The following SLC24A3 variants were observed in gnomAD, a reference collection of about 807,000 sequenced individuals.
The protein encoded by SLC24A3 is solute carrier family 24 member 3.
A neutral mutation model predicts 75.8 loss-of-function variants in SLC24A3; 28 were observed. The ratio of observed to expected loss-of-function variants is 0.37; its 90% CI spans 0.27 to 0.51. The LOEUF is 0.51. Among genes scored for constraint, SLC24A3 ranks in the 20% least tolerant of loss-of-function variants. The pLI, the probability that SLC24A3 is intolerant of heterozygous loss-of-function variation, is 0.94. For synonymous variants in SLC24A3, 372 were observed against 334.1 expected, an observed-to-expected ratio of 1.11 and a Z score of -1.24; for missense variants, 663 against 847.8, an observed-to-expected ratio of 0.78 and a Z score of 2.71.
At chr20:19,361,038 AG>A (rs1387645081) in intron 2 of SLC24A3, among the ~76,000 whole-genome samples, 1 of 152,196 alleles carries the variant, frequency 6.6e-6, no homozygotes, top group African/African-American at 2.4e-5. Flanking sequence ...CGTGTTAGCC[AG>A]GATGGTCTCG....
chr20:19,244,216 T>C (rs1332737272), intron 1 of SLC24A3: 2 of 152,196 alleles, frequency 1.3e-5, no homozygotes, highest in Non-Finnish European at 1.5e-5. Context: ...CAATGAGCAT[T>C]CCTTTAGTGC....
intron 2 of SLC24A3, among the ~76,000 whole-genome samples, chr20:19,469,751 G>T (rs73903112): frequency 0.024 from 3,680 of 152,208 alleles, 143 homozygotes; most frequent in African/African-American, 0.084. Flanking sequence ...TGTCTGGGTC[G>T]GGGAAGAGTG....
At chr20:19,670,331 AATGG>A (rs1391010850) in intron 8 of SLC24A3, among the ~76,000 whole-genome samples, 2 of 152,104 alleles carry the variant, frequency 1.3e-5, no homozygotes, top group African/African-American at 4.8e-5. Context: ...CACTGGGTTC[AATGG>A]GGAGGAAGCC....
chr20:19,339,085 T>A (rs1392514212), intron 2 of SLC24A3, among the ~76,000 whole-genome samples: 1 of 151,762 alleles, frequency 6.6e-6, no homozygotes, highest in Non-Finnish European at 1.5e-5. Flanking sequence ...ACTTGCTGAG[T>A]CGTGGAGAAG....
intron 1 of SLC24A3, among the ~76,000 whole-genome samples, chr20:19,228,022 A>G (rs2122142854): frequency 6.6e-6 from 1 of 152,170 alleles, no homozygotes; most frequent in Non-Finnish European, 1.5e-5. Flanking sequence ...ATTCATGATT[A>G]TTTCTCTATT....
At chr20:19,510,746 A>G (rs974357114) in intron 2 of SLC24A3, among the ~76,000 whole-genome samples, 1 of 152,202 alleles carries the variant, frequency 6.6e-6, no homozygotes, top group Non-Finnish European at 1.5e-5. Flanking sequence ...CCTCATCAGA[A>G]CCCAACCATG....
intron 15 of SLC24A3, among the ~76,000 whole-genome samples, chr20:19,711,728 T>C (rs11905263): frequency 0.7 from 105,998 of 151,696 alleles, 37,429 homozygotes; most frequent in East Asian, 0.94. Context: ...CAACCTCCGC[T>C]TCCAAGGTTC....
rs1008357738 is a variant in SLC24A3, at chr20:19,224,941, G to A, written c.142+11957G>A. Reference sequence around the variant, plus strand: ...CTTTCTGGGAATTTTTTGGCATTTAGTGTAGTTAGTACATGGGAAAAATTA... The same window carrying A: ...CTTTCTGGGAATTTTTTGGCATTTAATGTAGTTAGTACATGGGAAAAATTA... On this transcript the variant is annotated intron_variant, in intron 1 of 16. Transcript: ENST00000328041. 5.9e-5 allele frequency among the ~76,000 whole-genome samples: 9 copies of A among 152,174 alleles called. No individual in the cohort carries two copies. In the South Asian group the frequency reaches 8.3e-4, roughly 14 times the overall value.
chr20:19,516,400 A>G (rs2122559322), intron 3 of SLC24A3, among the ~76,000 whole-genome samples: 1 of 152,230 alleles, frequency 6.6e-6, no homozygotes, highest in African/African-American at 2.4e-5. Context: ...CATTCTAGTT[A>G]TTTATCGCTG....
chr20:19,542,252 A>G (rs931509599), intron 3 of SLC24A3, among the ~76,000 whole-genome samples: 1 of 152,214 alleles, frequency 6.6e-6, no homozygotes, highest in Non-Finnish European at 1.5e-5. Flanking sequence ...TTGTGCATGC[A>G]TATGTTTACT....
chr20:19,614,987 G>T (rs1257279110), intron 6 of SLC24A3, among the ~76,000 whole-genome samples: 1 of 152,168 alleles, frequency 6.6e-6, no homozygotes, highest in African/African-American at 2.4e-5. Context: ...TAATCTTTTT[G>T]TTAAAGCCGT....
At position 19,232,913 on chromosome 20, in the gene SLC24A3, G is replaced by T. The variant is rs550500363; in HGVS notation, c.142+19929G>T. Among the ~76,000 whole-genome samples the T allele has an allele frequency of 3.3e-5, 5 of 152,284 alleles. No individual in the cohort carries two copies. In the East Asian group the frequency reaches 9.7e-4, roughly 29 times the overall value. On this transcript the variant is annotated intron_variant, in intron 1 of 16. Transcript: ENST00000328041. The stretch of plus-strand genomic sequence containing the variant: ...GTAGGCAAAAGCGTAGTATGAACGG[G>T]ACAATGATGGCAAAGGAGGAGCTAC...
intron 2 of SLC24A3, among the ~76,000 whole-genome samples, chr20:19,333,890 T>C (rs2122296691): frequency 6.6e-6 from 1 of 152,134 alleles, no homozygotes; most frequent in East Asian, 1.9e-4. Flanking sequence ...GAATAATGTG[T>C]GAGGTCAAAC....
At position 19,239,253 on chromosome 20, in the gene SLC24A3, A is replaced by G. The variant is rs568599754; in HGVS notation, c.142+26269A>G. Among the ~76,000 whole-genome samples the G allele has an allele frequency of 8.5e-5, 13 of 152,194 alleles. No individual in the cohort carries two copies. In the South Asian group the frequency reaches 2.3e-3, roughly 27 times the overall value. On this transcript the variant is annotated intron_variant, in intron 1 of 16. Transcript: ENST00000328041. ...CAGTGTTTGAGATGCCTAAGCCCGT[A>G]TGAAGCACAACAGGAGAAGCAGCCC...
intron 2 of SLC24A3, among the ~76,000 whole-genome samples, chr20:19,318,528 C>T (rs942527064): frequency 6.6e-6 from 1 of 152,312 alleles, no homozygotes; most frequent in Admixed American, 6.5e-5. Flanking sequence ...TAGCTCTCCT[C>T]ATGCTGATTT....
chr20:19,324,962 A>G (rs1555787961), intron 2 of SLC24A3, among the ~76,000 whole-genome samples: 1 of 151,590 alleles, frequency 6.6e-6, no homozygotes, highest in Non-Finnish European at 1.5e-5. Flanking sequence ...ACATTCAAGA[A>G]CCACAGCTCT....
At chr20:19,575,233 G>C (rs1164199249) in intron 3 of SLC24A3, among the ~76,000 whole-genome samples, 1 of 146,814 alleles carries the variant, frequency 6.8e-6, no homozygotes, top group Non-Finnish European at 1.5e-5. Flanking sequence ...CTCCAGCCTG[G>C]GTGACAGAGT....
chr20:19,463,289 C>T (rs1028978786), intron 2 of SLC24A3, among the ~76,000 whole-genome samples: 3 of 152,100 alleles, frequency 2.0e-5, no homozygotes, highest in Non-Finnish European at 4.4e-5. Flanking sequence ...TTCCTGGGAG[C>T]GTATTCACTG....
chr20:19,616,368 G>C (rs2031736352), intron 6 of SLC24A3, among the ~76,000 whole-genome samples: 1 of 152,234 alleles, frequency 6.6e-6, no homozygotes. Context: ...GAGTTTGTGT[G>C]TCACCTCTCC....
Sources: gnomAD v4.1 joint callset for allele counts (sites outside exome capture counted in the v4.1 genomes callset) on GRCh38, gnomAD v4.1.1 for gene constraint, MANE v1.5 for transcripts, NCBI Gene and HGNC (gene_info 2026-07-23, HGNC 2026-07-21) for gene names.